The following GABRA4 variants were observed in gnomAD, a reference collection of about 807,000 sequenced individuals.
The protein encoded by GABRA4 is gamma-aminobutyric acid receptor subunit alpha-4.
GABRA4 carries 12 observed loss-of-function variants against 49.7 expected under a neutral mutation model. That is an observed-to-expected ratio of 0.24 (90% CI 0.15 to 0.39). The LOEUF (loss-of-function observed/expected upper bound fraction) is 0.39. GABRA4 is among the 10% of genes least tolerant of loss of function. The probability of loss-of-function intolerance (pLI) is 1.00; values close to 1 mark genes in which losing one functional copy is unlikely to be tolerated. For synonymous variants in GABRA4, 288 were observed against 240.2 expected (o/e 1.20, Z -1.84); for missense variants, 506 against 686.0 (o/e 0.74, Z 2.93).
intron 8 of GABRA4, among the ~76,000 whole-genome samples, chr4:46,938,950 G>C (rs891795769): frequency 2.0e-5 from 3 of 151,904 alleles, no homozygotes; most frequent in African/African-American, 4.8e-5. Flanking sequence ...AACACAAAAT[G>C]GTATAAAGAA....
intron 8 of GABRA4, among the ~76,000 whole-genome samples, chr4:46,949,582 G>GA (rs972610202): frequency 6.6e-6 from 1 of 151,834 alleles, no homozygotes; most frequent in Admixed American, 6.6e-5. Flanking sequence ...GATCACATTG[G>GA]AAAAAAATCT....
intron 8 of GABRA4, among the ~76,000 whole-genome samples, chr4:46,946,774 G>A (rs1359727162): frequency 6.6e-6 from 1 of 152,048 alleles, no homozygotes; most frequent in Non-Finnish European, 1.5e-5. Context: ...GTTTATGAAA[G>A]ACTAAGCACT....
intron 2 of GABRA4, among the ~76,000 whole-genome samples, chr4:46,985,868 T>C (rs992958671): frequency 1.3e-5 from 2 of 152,020 alleles, no homozygotes; most frequent in African/African-American, 4.8e-5. Flanking sequence ...CGTATTTCTT[T>C]CAGCTATGCC....
At chr4:46,975,137 T>G (rs1052569990) in intron 5 of GABRA4, among the ~76,000 whole-genome samples, 1 of 151,978 alleles carries the variant, frequency 6.6e-6, no homozygotes, top group African/African-American at 2.4e-5. Flanking sequence ...AACAGACAGC[T>G]TGGCTCACAC....
At chr4:46,955,899 T>C (rs1722343883) in intron 8 of GABRA4, among the ~76,000 whole-genome samples, 1 of 152,142 alleles carries the variant, frequency 6.6e-6, no homozygotes, top group African/African-American at 2.4e-5. Flanking sequence ...GCTAAGTTCC[T>C]AGATTTTGTC....
At chr4:46,940,142 T>C (rs1721740922) in intron 8 of GABRA4, among the ~76,000 whole-genome samples, 1 of 152,122 alleles carries the variant, frequency 6.6e-6, no homozygotes, top group South Asian at 2.1e-4. Context: ...ATTTTTATGA[T>C]GTTCTTCTAC....
chr4:46,939,943 C>T (rs577655484), intron 8 of GABRA4, among the ~76,000 whole-genome samples: 2 of 152,102 alleles, frequency 1.3e-5, no homozygotes, highest in South Asian at 4.1e-4. Context: ...ATATCCTCTA[C>T]ATTCAGGCAT....
chr4:46,919,363 A>C lies in GABRA4; in HGVS notation c.*8862T>G, dbSNP rs1362360944. The C allele has an allele frequency of 2.0e-5, 3 of 151,540 alleles. No homozygotes were observed. Among genetic ancestry groups the C allele is most frequent in the Admixed American group, 6.6e-5 (1 of 15,210 alleles). The allele number at this position is 151,540 out of a possible 1,614,324, so 9.4% of individuals were successfully genotyped here. A position where few individuals can be genotyped will look rare whatever the true frequency, so the allele number is the denominator to read the frequency against. On this transcript the variant is annotated 3_prime_UTR_variant, in exon 9 of 9. Coordinates refer to ENST00000264318, the MANE Select transcript of GABRA4 (RefSeq NM_000809.4). ...TATAATATACCATGATAATATTCCT[A>C]CATTGAATAAAATTGCCAATTTCAG...
intron 7 of GABRA4, among the ~76,000 whole-genome samples, chr4:46,969,606 A>C (rs1054883505): frequency 1.3e-5 from 2 of 151,574 alleles, no homozygotes; most frequent in African/African-American, 4.8e-5. Flanking sequence ...TTCCTTAGAT[A>C]AGAGAAGTAT....
chr4:46,930,019 A>T (rs1202738732), intron 8 of GABRA4, among the ~76,000 whole-genome samples: 1 of 152,112 alleles, frequency 6.6e-6, no homozygotes, highest in Non-Finnish European at 1.5e-5. Context: ...CTTTTTTAGT[A>T]TACTCATCTA....
intron 5 of GABRA4, among the ~76,000 whole-genome samples, chr4:46,975,950 T>C (rs1723126761): frequency 6.6e-6 from 1 of 152,042 alleles, no homozygotes; most frequent in South Asian, 2.1e-4. Context: ...ATAAAAAGAA[T>C]AGTGACTGCC....
chr4:46,992,178 G>T (rs1304998345), intron 2 of GABRA4, among the ~76,000 whole-genome samples: 1 of 152,172 alleles, frequency 6.6e-6, no homozygotes, highest in East Asian at 1.9e-4. Flanking sequence ...GCTGTTAATG[G>T]ATGTACCTCT....
chr4:46,952,212 G>A (rs1301119578), intron 8 of GABRA4, among the ~76,000 whole-genome samples: 1 of 152,002 alleles, frequency 6.6e-6, no homozygotes, highest in Non-Finnish European at 1.5e-5. Context: ...GACTGAGGGA[G>A]AAGGAATATA....
At chr4:46,964,185 C>T (rs1302039106) in intron 8 of GABRA4, among the ~76,000 whole-genome samples, 1 of 151,818 alleles carries the variant, frequency 6.6e-6, no homozygotes, top group Non-Finnish European at 1.5e-5. Flanking sequence ...TGCATGTTCT[C>T]ACTTATTTGT....
intron 8 of GABRA4, among the ~76,000 whole-genome samples, chr4:46,938,631 T>C (rs1299432409): frequency 1.3e-5 from 2 of 152,146 alleles, no homozygotes; most frequent in East Asian, 1.9e-4. Context: ...TTCAATTTCT[T>C]TGGAATTCCA....
intron 6 of GABRA4, 76 bp from the exon 7 acceptor site, chr4:46,971,311 GACTA>G: frequency 1.5e-6 from 2 of 1,325,950 alleles, no homozygotes; most frequent in East Asian, 4.7e-5. Flanking sequence ...ACATATTTCA[GACTA>G]ACAAACAGGA....
At chr4:46,930,171 C>A (rs1721379970) in intron 8 of GABRA4, among the ~76,000 whole-genome samples, 1 of 152,038 alleles carries the variant, frequency 6.6e-6, no homozygotes, top group South Asian at 2.1e-4. Context: ...TTGTAGTATT[C>A]TTCTAAGCAG....
chr4:46,941,864 G>A (rs1721809966), intron 8 of GABRA4, among the ~76,000 whole-genome samples: 1 of 152,080 alleles, frequency 6.6e-6, no homozygotes, highest in Non-Finnish European at 1.5e-5. Flanking sequence ...AGGCTTAAAA[G>A]GTTTCCTCTG....
At chr4:46,936,696 T>C (rs1721613930) in intron 8 of GABRA4, among the ~76,000 whole-genome samples, 1 of 152,214 alleles carries the variant, frequency 6.6e-6, no homozygotes, top group African/African-American at 2.4e-5. Context: ...GACATACCCA[T>C]AGCATTGGCT....
Sources: allele counts gnomAD v4.1 joint callset (sites outside exome capture counted in the v4.1 genomes callset), GRCh38; gene constraint gnomAD v4.1.1; transcripts MANE v1.5; gene names NCBI Gene and HGNC (gene_info 2026-07-23, HGNC 2026-07-21).